Variants in CARHSP1 observed in about 807,000 individuals in gnomAD.
CARHSP1 encodes calcium-regulated heat-stable protein 1.
Under a neutral mutation model 12.5 loss-of-function variants are expected in CARHSP1, and 14 were observed. The observed-to-expected ratio is 1.12, with a 90% CI of 0.74 to 1.75. The LOEUF is 1.75. Among genes scored for constraint, CARHSP1 ranks in the 40% most tolerant of loss-of-function variants. CARHSP1 has a pLI of 0.00. For synonymous variants in CARHSP1, 161 were observed against 82.0 expected, an observed-to-expected ratio of 1.96 and a Z score of -5.20; for missense variants, 343 against 201.6, an observed-to-expected ratio of 1.70 and a Z score of -4.25.
At chr16:8,865,262 A>T (rs1360595587) in intron 1 of CARHSP1, among the ~76,000 whole-genome samples, 1 of 151,990 alleles carries the variant, frequency 6.6e-6, no homozygotes, top group Non-Finnish European at 1.5e-5. Context: ...GGCATGTACC[A>T]CCACACCCAG....
At chr16:8,859,578 C>T (rs2061278000) in intron 1 of CARHSP1, among the ~76,000 whole-genome samples, 1 of 151,932 alleles carries the variant, frequency 6.6e-6, no homozygotes, top group Non-Finnish European at 1.5e-5. Flanking sequence ...TCCCCCATGA[C>T]CAGGATGGCA....
At chr16:8,859,030 C>CCTCAGCCCACGG in intron 2 of CARHSP1, 141 bp downstream of exon 2, 1 of 725,262 alleles carries the variant, frequency 1.4e-6, no homozygotes, top group South Asian at 2.4e-5. Flanking sequence ...AGTTTCTCAC[C>CCTCAGCCCACGG]CTCAGCCCAC....
intron 1 of CARHSP1, among the ~76,000 whole-genome samples, 154 bp from the exon 2 acceptor site, chr16:8,859,489 G>A (rs2061273901): frequency 6.6e-6 from 1 of 151,872 alleles, no homozygotes; most frequent in East Asian, 1.9e-4. Flanking sequence ...ACGCCTGGCA[G>A]GGTCAGATGC....
rs1567181135 is a variant in CARHSP1 at position 8,857,270 on chromosome 16, T to TTTTTTGTTTTTTG, written c.281+1079_281+1080insCAAAAAACAAAAA. Among the ~76,000 whole-genome samples the TTTTTTGTTTTTTG allele has an allele frequency of 3.8e-3, 50 of 13,132 alleles. 6 individuals carry two copies. Among genetic ancestry groups the TTTTTTGTTTTTTG allele is most frequent in the Admixed American group, 9.7e-3 (11 of 1,130 alleles). The allele number at this position is 13,132 out of a possible 152,430, so 8.6% of individuals were successfully genotyped here. A position where few individuals can be genotyped will look rare whatever the true frequency, so the allele number is the denominator to read the frequency against. ...GTGATCTTGGGCAGATCTGTTTTTT[T>TTTTTTGTTTTTTG]TTTTTTTTTTTTTTTTTTTTTTTTT... On this transcript the variant is annotated intron_variant, in intron 3 of 3. Coordinates refer to ENST00000311052, the MANE Select transcript of CARHSP1 (RefSeq NM_014316.4).
rs141833541 is a variant in CARHSP1 at position 8,858,373 on chromosome 16, G to C, written c.258C>G (p.Pro86=). Residue 86 remains proline (P), a synonymous_variant, in exon 3 of 4, where the codon CCC becomes CCG. Transcript: ENST00000311052. ...HGFITPADGG[P]DIFLHISDVE... ...ACTCAGAGATGTGCAGGAAGATGTC[G>C]GGGCCGCCATCAGCTGGAGTAATGA... 5 of 1,613,900 alleles carry C rather than the reference G, an allele frequency of 3.1e-6. No homozygotes were observed. Among genetic ancestry groups the C allele is most frequent in the Middle Eastern group, 1.7e-4 (1 of 6,060 alleles).
chr16:8,855,999 G>C (rs1370283810), intron 3 of CARHSP1, among the ~76,000 whole-genome samples: 2 of 140,726 alleles, frequency 1.4e-5, no homozygotes, highest in Non-Finnish European at 1.6e-5. Flanking sequence ...AGCAAAGTCA[G>C]GGTTTCACCA....
At chr16:8,858,772 AAC>A (rs2061240948) in intron 2 of CARHSP1, 1 of 452,072 alleles carries the variant, frequency 2.2e-6, no homozygotes, top group Admixed American at 3.9e-5. Flanking sequence ...TACTATTAAT[AAC>A]ACAAGCATCC....
intron 3 of CARHSP1, among the ~76,000 whole-genome samples, chr16:8,857,287 T>TG (rs1596527177): frequency 8.1e-6 from 1 of 123,978 alleles, no homozygotes; most frequent in African/African-American, 3.3e-5. Flanking sequence ...TTTTTTTTTT[T>TG]TTTTTTTTTT....
At chr16:8,868,009 G>C (rs1567192443) in intron 1 of CARHSP1, 1 of 152,308 alleles carries the variant, frequency 6.6e-6, no homozygotes, top group Admixed American at 6.5e-5. Flanking sequence ...CAGAGAGACT[G>C]AGAAATATCA....
intron 1 of CARHSP1, chr16:8,861,555 G>A: frequency 8.1e-7 from 1 of 1,227,820 alleles, no homozygotes; most frequent in Non-Finnish European, 1.1e-6. Context: ...CCCCATCCCT[G>A]AAATGTCAGA....
At position 8,854,761 on chromosome 16, in the gene CARHSP1, G is replaced by A. The variant is rs544656735; in HGVS notation, c.*403C>T. The A allele has an allele frequency of 6.3e-6, 1 of 159,630 alleles. No individual in the cohort carries two copies. The highest frequency in any genetic ancestry group is 2.0e-4 in the South Asian group (1 of 4,892). 9.9% of individuals were successfully genotyped at this position (159,630 alleles called of 1,614,324 possible). On this transcript the variant is annotated 3_prime_UTR_variant, in exon 4 of 4. Transcript: ENST00000311052. Reference sequence around the variant, plus strand: ...CAAGGTCCCTGTCAGGCTGCCAGGGGGCCAGATCTGGGAATCTGGGGCCTC... The same window carrying A: ...CAAGGTCCCTGTCAGGCTGCCAGGGAGCCAGATCTGGGAATCTGGGGCCTC...
intron 1 of CARHSP1, among the ~76,000 whole-genome samples, chr16:8,864,467 TCA>T (rs1211211553): frequency 6.6e-6 from 1 of 152,122 alleles, no homozygotes; most frequent in South Asian, 2.1e-4. Context: ...TTACAACACT[TCA>T]CACAGCCCAG....
At chr16:8,858,685 C>T in intron 2 of CARHSP1, 1 of 559,174 alleles carries the variant, frequency 1.8e-6, no homozygotes, top group Non-Finnish European at 3.1e-6. Context: ...GGCCAATTTT[C>T]TCGGGCCTGT....
intron 3 of CARHSP1, chr16:8,857,361 T>C (rs1178653940): frequency 7.8e-6 from 1 of 127,912 alleles, no homozygotes; most frequent in African/African-American, 2.9e-5. Context: ...CGGCTCACCA[T>C]AACCTCCACC....
chr16:8,857,263 G>GTTTTTTTTTTTTTTTTTTT lies in CARHSP1; in HGVS notation c.281+1068_281+1086dup, dbSNP rs756390920. Among the ~76,000 whole-genome samples the GTTTTTTTTTTTTTTTTTTT allele has an allele frequency of 1.9e-4, 11 of 57,034 alleles. 1 individual carries two copies. The highest frequency in any genetic ancestry group is 8.9e-4 in the East Asian group (1 of 1,120). The allele number at this position is 57,034 out of a possible 152,430, so 37.4% of individuals were successfully genotyped here. On this transcript the variant is annotated intron_variant, in intron 3 of 3. Transcript: ENST00000311052. ...TGGCTATGTGATCTTGGGCAGATCT[G>GTTTTTTTTTTTTTTTTTTT]TTTTTTTTTTTTTTTTTTTTTTTTT...
chr16:8,860,534 T>G lies in CARHSP1; in HGVS notation c.-7-1199A>C, dbSNP rs530340912. 396 of 985,270 alleles carry G rather than the reference T, an allele frequency of 4.0e-4. 3 individuals carry two copies. The African/African-American group carries it at 6.7e-3, about 17-fold the overall frequency. 61.0% of individuals were successfully genotyped at this position (985,270 alleles called of 1,614,324 possible). On this transcript the variant is annotated intron_variant, in intron 1 of 3. Coordinates refer to ENST00000311052, the MANE Select transcript of CARHSP1 (RefSeq NM_014316.4). The stretch of plus-strand genomic sequence containing the variant: ...AAACAGTCCAGCAGTCAGAGGCCCT[T>G]GGGTAAGTCCTTTCCCATCTCTGGG...
intron 3 of CARHSP1, chr16:8,857,759 A>ATTTTTTTTTTTTT: frequency 8.6e-6 from 1 of 116,468 alleles, no homozygotes; most frequent in Non-Finnish European, 1.7e-5. Flanking sequence ...CCTGCTCATT[A>ATTTTTTTTTTTTT]TTTTTTTTTT....
In CARHSP1 at chr16:8,860,158, A is replaced by G. The variant is rs1022941404; in HGVS notation, c.-7-823T>C. On this transcript the variant is annotated intron_variant, in intron 1 of 3. Transcript: ENST00000311052. ...TGTGGAACACGTCGCAGAGAGCTCAAGCGCCACGTTTGGATCCCTGAGCAG... is the reference window on the plus strand; with the variant it reads ...TGTGGAACACGTCGCAGAGAGCTCAGGCGCCACGTTTGGATCCCTGAGCAG... 3.0e-6 allele frequency: 3 copies of G among 985,332 alleles called. No individual in the cohort carries two copies. The African/African-American group carries it at 5.2e-5, about 17-fold the overall frequency. 61.0% of individuals were successfully genotyped at this position (985,332 alleles called of 1,614,324 possible).
At chr16:8,865,558 T>C (rs563490279) in intron 1 of CARHSP1, among the ~76,000 whole-genome samples, 2 of 152,314 alleles carry the variant, frequency 1.3e-5, no homozygotes, top group African/African-American at 4.8e-5. Context: ...TCTTGAGCCT[T>C]CCATGGGATG....
Sources: gnomAD v4.1 joint callset for allele counts (sites outside exome capture counted in the v4.1 genomes callset) on GRCh38, gnomAD v4.1.1 for gene constraint, MANE v1.5 for transcripts, NCBI Gene and HGNC (gene_info 2026-07-23, HGNC 2026-07-21) for gene names.